Variants in UBAP2 observed in about 807,000 individuals in gnomAD.
The protein encoded by UBAP2 is ubiquitin associated protein 2.
UBAP2 carries 75 observed loss-of-function variants against 139.6 expected under a neutral mutation model. The ratio of observed to expected loss-of-function variants is 0.54; its 90% CI spans 0.45 to 0.65. UBAP2 has a LOEUF of 0.65. Ranked by LOEUF, UBAP2 falls within the 30% of genes least tolerant of loss-of-function variation. The pLI, the probability that UBAP2 is intolerant of heterozygous loss-of-function variation, is 0.00. For synonymous variants in UBAP2, 526 were observed against 526.2 expected, an observed-to-expected ratio of 1.00 and a Z score of 0.01; for missense variants, 1,368 against 1,369.6, an observed-to-expected ratio of 1.00 and a Z score of 0.02.
rs41312824 is a variant in UBAP2, at chr9:33,926,670, T to C, written c.2464-6A>G. On this transcript the variant is annotated splice_polypyrimidine_tract_variant and splice_region_variant and intron_variant, in intron 21 of 28. Coordinates refer to ENST00000379238, the MANE Select transcript of UBAP2 (RefSeq NM_001370062.2). ...AGCTCGTCATAGCCATAGATCTGTG[T>C]GAGAACCAGAAAGTGTATTTTAGGA... 3,335 of 1,614,102 alleles carry C rather than the reference T, an allele frequency of 2.1e-3. 8 individuals carry two copies. The highest frequency in any genetic ancestry group is 2.6e-3 in the Non-Finnish European group (3,076 of 1,180,004).
intron 6 of UBAP2, among the ~76,000 whole-genome samples, chr9:33,975,621 A>G (rs1460680175): frequency 2.0e-5 from 3 of 148,166 alleles, no homozygotes; most frequent in African/African-American, 5.0e-5. Flanking sequence ...ACACGGTGAA[A>G]CCTCATCTCT....
intron 6 of UBAP2, among the ~76,000 whole-genome samples, chr9:33,983,632 T>C (rs146548017): frequency 3.3e-5 from 5 of 152,324 alleles, no homozygotes; most frequent in African/African-American, 1.2e-4. Context: ...AGTCATTTTA[T>C]TCTTTCTTTT....
chr9:33,996,780 C>T (rs963094234), intron 3 of UBAP2: 1 of 159,892 alleles, frequency 6.3e-6, no homozygotes, highest in Admixed American at 6.4e-5. Flanking sequence ...TGGCTTTCAC[C>T]ATTTGGATTA....
intron 1 of UBAP2, among the ~76,000 whole-genome samples, chr9:34,026,788 T>G (rs1333036775): frequency 6.6e-6 from 1 of 152,190 alleles, no homozygotes; most frequent in Non-Finnish European, 1.5e-5. Flanking sequence ...AGCTAGTAAG[T>G]GGTGAAGGCA....
chr9:33,989,901 AGTAAAATTTTAGCTTGGTTTTG>A (rs1402766577), intron 4 of UBAP2, among the ~76,000 whole-genome samples: 1 of 152,200 alleles, frequency 6.6e-6, no homozygotes, highest in Admixed American at 6.5e-5. Flanking sequence ...ATGGCAGATA[AGTAAAATTTTAGCTTGGTTTTG>A]GTGGGTTTTT....
Position 33,923,854 on chromosome 9 carries a change from T to C in UBAP2, c.2737A>G (p.Thr913Ala), listed in dbSNP as rs755634623. 6.2e-7 allele frequency: 1 copy of C among 1,614,156 alleles called. No homozygotes were observed. The highest frequency in any genetic ancestry group is 8.5e-7 in the Non-Finnish European group (1 of 1,180,028). ...ATGCCTGTGTAGTAGGGAAGACCAG[T>C]GTAGCTATAGCCAGGTGGCAGTGCA... ...NPALPPGYSY[T>A]GLPYYTGMPS... The change falls in exon 24 of 29, where the codon ACT becomes GCT. Residue 913 changes from threonine to alanine, a missense_variant. Transcript: ENST00000379238.
intron 8 of UBAP2, among the ~76,000 whole-genome samples, chr9:33,970,070 C>CA: frequency 6.6e-6 from 1 of 150,600 alleles, no homozygotes; most frequent in East Asian, 2.0e-4. Context: ...GCTGAGACCA[C>CA]AGGCATATGA....
chr9:34,007,069 T>C (rs760307532), intron 2 of UBAP2, among the ~76,000 whole-genome samples: 1 of 152,242 alleles, frequency 6.6e-6, no homozygotes. Flanking sequence ...TAACAGATGT[T>C]TGATGGAGTT....
At chr9:33,993,952 T>TG (rs1191475048) in intron 4 of UBAP2, among the ~76,000 whole-genome samples, 1 of 147,644 alleles carries the variant, frequency 6.8e-6, no homozygotes, top group Non-Finnish European at 1.5e-5. Context: ...TGGAGTGCAA[T>TG]GCCGCGATCT....
At chr9:34,003,315 A>G (rs949854607) in intron 2 of UBAP2, among the ~76,000 whole-genome samples, 3 of 149,596 alleles carry the variant, frequency 2.0e-5, no homozygotes, top group Admixed American at 1.3e-4. Flanking sequence ...ACAGGTATGC[A>G]CCACTGTGGC....
chr9:34,031,820 A>T (rs1478862366), intron 1 of UBAP2, among the ~76,000 whole-genome samples: 1 of 150,724 alleles, frequency 6.6e-6, no homozygotes, highest in African/African-American at 2.4e-5. Flanking sequence ...AAAAAAGAGG[A>T]TCTATTTCCT....
intron 1 of UBAP2, among the ~76,000 whole-genome samples, chr9:34,046,872 A>G (rs1444833491): frequency 6.6e-6 from 1 of 152,116 alleles, no homozygotes; most frequent in Non-Finnish European, 1.5e-5. Context: ...GGCTAATACT[A>G]AGAGAGACAC....
chr9:34,031,189 A>G (rs1481962551), intron 1 of UBAP2, among the ~76,000 whole-genome samples: 2 of 151,164 alleles, frequency 1.3e-5, no homozygotes, highest in African/African-American at 4.9e-5. Flanking sequence ...AGGCAGAGGA[A>G]TCGCTTGAAC....
chr9:34,043,744 T>G (rs996982575), intron 1 of UBAP2, among the ~76,000 whole-genome samples: 1 of 151,352 alleles, frequency 6.6e-6, no homozygotes, highest in Non-Finnish European at 1.5e-5. Context: ...TCCTTCCACC[T>G]CAGCCTCCCA....
chr9:33,924,673 A>G (rs951647719), intron 22 of UBAP2, among the ~76,000 whole-genome samples: 6 of 152,182 alleles, frequency 3.9e-5, no homozygotes, highest in Middle Eastern at 3.2e-3. Flanking sequence ...AAAGGAGGCA[A>G]CAGAAGTGCA....
intron 4 of UBAP2, among the ~76,000 whole-genome samples, chr9:33,990,395 C>CA (rs1821599045): frequency 1.3e-5 from 2 of 152,152 alleles, no homozygotes; most frequent in South Asian, 4.1e-4. Context: ...CTTCCAAACT[C>CA]TTTTTTTGAA....
At chr9:34,026,926 A>T (rs767470144) in intron 1 of UBAP2, among the ~76,000 whole-genome samples, 1 of 152,158 alleles carries the variant, frequency 6.6e-6, no homozygotes, top group Admixed American at 6.6e-5. Flanking sequence ...ATACAACAGC[A>T]TAACTATTGT....
In UBAP2 at chr9:33,924,275, C is replaced by T. The variant is rs781179164; in HGVS notation, c.2521G>A (p.Gly841Arg). The change falls in exon 23 of 29, where the codon GGA (glycine) becomes AGA (arginine). Residue 841 changes from glycine (G) to arginine (R), a missense_variant. Gly to Arg is a moderately radical substitution (Grantham distance 125). Coordinates refer to ENST00000379238, the MANE Select transcript of UBAP2 (RefSeq NM_001370062.2). ...GCTGTGGGTGCAGCAAAGGGAATTC[C>T]ATAGTAGTCCTAGGAGAGACCAGGG... ...LQSRLPVDYY[G>R]IPFAAPTALA... 3 of 1,613,956 alleles carry T rather than the reference C, an allele frequency of 1.9e-6. No individual in the cohort carries two copies. The highest frequency in any genetic ancestry group is 2.5e-6 in the Non-Finnish European group (3 of 1,179,968).
chr9:34,008,961 CAAA>C (rs773189067), intron 2 of UBAP2, among the ~76,000 whole-genome samples: 1,070 of 65,658 alleles, frequency 0.016, 7 homozygotes, highest in African/African-American at 0.05. Flanking sequence ...GAGACTGTCT[CAAA>C]AAAAAAAAAA....
Sources: gnomAD v4.1 joint callset for allele counts (sites outside exome capture counted in the v4.1 genomes callset) on GRCh38, gnomAD v4.1.1 for gene constraint, MANE v1.5 for transcripts, NCBI Gene and HGNC (gene_info 2026-07-23, HGNC 2026-07-21) for gene names.